Variants in ZNF362 observed in about 807,000 individuals in gnomAD.
ZNF362 encodes the protein zinc finger protein 362, also known as rotund homolog.
A neutral mutation model predicts 42.9 loss-of-function variants in ZNF362; 11 were observed. The ratio of observed to expected loss-of-function variants is 0.26; its 90% CI spans 0.16 to 0.42. The LOEUF (loss-of-function observed/expected upper bound fraction) is 0.42, where lower values mean the gene tolerates loss of function less well. ZNF362 is among the 20% of genes least tolerant of loss of function. The pLI is 1.00. For synonymous variants in ZNF362, 255 were observed against 257.3 expected (o/e 0.99, Z 0.09); for missense variants, 362 against 576.2 (o/e 0.63, Z 3.81).
the ZNF362 span, chr1:33,158,322 G>T: frequency 3.5e-5 from 57 of 1,613,908 alleles, no homozygotes; most frequent in African/African-American, 6.7e-4. Context: ...TTGGAGGTCG[G>T]GAAGTCTTCA....
chr1:33,247,057 C>G, the ZNF362 span, among the ~76,000 whole-genome samples: 1 of 152,224 alleles, frequency 6.6e-6, no homozygotes, highest in Non-Finnish European at 1.5e-5. Context: ...TTAATTGTTC[C>G]TGAGCCCTCT....
the ZNF362 span, among the ~76,000 whole-genome samples, chr1:33,189,659 A>ATATATATATATATG: frequency 1.7e-4 from 4 of 24,010 alleles, no homozygotes; most frequent in Non-Finnish European, 3.8e-4. Flanking sequence ...ATATATATAT[A>ATATATATATATATG]TATATATATA....
At chr1:33,158,837 C>CT in the ZNF362 span, among the ~76,000 whole-genome samples, 24 of 150,546 alleles carry the variant, frequency 1.6e-4, no homozygotes, top group Middle Eastern at 3.4e-3. Context: ...CAGTTTTTTT[C>CT]TTTTTTTTCT....
intron 1 of ZNF362, among the ~76,000 whole-genome samples, chr1:33,267,969 C>A (rs940569697): frequency 6.6e-6 from 1 of 152,208 alleles, no homozygotes; most frequent in African/African-American, 2.4e-5. Context: ...ACACTCCCAC[C>A]AATAATACAT....
chr1:33,192,722 G>A, the ZNF362 span, among the ~76,000 whole-genome samples: 181 of 152,200 alleles, frequency 1.2e-3, no homozygotes, highest in Non-Finnish European at 2.2e-3. Flanking sequence ...TGGTAGGAAA[G>A]GTCCAAGGGA....
At position 33,299,082 on chromosome 1, in the gene ZNF362, C is replaced by A; in HGVS notation, c.*36C>A. On this transcript the variant is annotated 3_prime_UTR_variant, in exon 9 of 9. Transcript: ENST00000539719. Reference sequence around the variant, plus strand: ...GGCGCCGCCCCACCCGGCCCACTGGCAGACACAGACCCAGGCAGCACCAGG... The same window carrying A: ...GGCGCCGCCCCACCCGGCCCACTGGAAGACACAGACCCAGGCAGCACCAGG... The A allele has an allele frequency of 6.5e-7, 1 of 1,545,202 alleles. No individual in the cohort carries two copies. The highest frequency in any genetic ancestry group is 8.9e-7 in the Non-Finnish European group (1 of 1,129,632).
rs756313755 is a variant in ZNF362, at chr1:33,295,028, C to T, written c.987+13C>T. On this transcript the variant is annotated intron_variant, in intron 7 of 8. Transcript: ENST00000539719. ...CTCCAACCTCCAGGTGAGTGCCTGC[C>T]TGCCTCCTGCCCACCAGGTGCTCTG... 4 of 1,614,054 alleles carry T rather than the reference C, an allele frequency of 2.5e-6. No individual in the cohort carries two copies. The Admixed American group carries it at 6.7e-5, about 27-fold the overall frequency.
the ZNF362 span, among the ~76,000 whole-genome samples, chr1:33,168,773 T>C: frequency 2.8e-4 from 43 of 152,264 alleles, no homozygotes; most frequent in Non-Finnish European, 4.4e-4. Context: ...CTATCCAGCC[T>C]GGGACACAGT....
the ZNF362 span, among the ~76,000 whole-genome samples, chr1:33,184,420 C>G: frequency 1.3e-5 from 2 of 152,152 alleles, no homozygotes; most frequent in Admixed American, 1.3e-4. Flanking sequence ...ATGGCTGGTC[C>G]ACTAGAGATC....
the ZNF362 span, among the ~76,000 whole-genome samples, chr1:33,223,173 C>T: frequency 1.3e-5 from 2 of 151,962 alleles, no homozygotes; most frequent in East Asian, 3.9e-4. Context: ...ATCACTTGAA[C>T]CCAGGAAGCA....
intron 1 of ZNF362, among the ~76,000 whole-genome samples, chr1:33,260,594 T>C (rs904782245): frequency 1.3e-5 from 2 of 152,210 alleles, no homozygotes; most frequent in African/African-American, 4.8e-5. Context: ...AACCCTCTCA[T>C]TATTCGCATT....
intron 2 of ZNF362, among the ~76,000 whole-genome samples, chr1:33,273,073 T>C (rs1168494839): frequency 6.6e-6 from 1 of 152,242 alleles, no homozygotes. Flanking sequence ...CACCCTCTTG[T>C]ACAGGTCCCA....
chr1:33,182,094 C>T, the ZNF362 span: 3 of 152,118 alleles, frequency 2.0e-5, no homozygotes, highest in East Asian at 1.9e-4. Flanking sequence ...TCCCCGCCCC[C>T]GTGGGCGGGA....
At chr1:33,172,420 G>A in the ZNF362 span, among the ~76,000 whole-genome samples, 1 of 152,084 alleles carries the variant, frequency 6.6e-6, no homozygotes, top group Admixed American at 6.5e-5. Flanking sequence ...CTGCAGCCAG[G>A]CATGTGACAG....
the ZNF362 span, among the ~76,000 whole-genome samples, chr1:33,157,544 T>C: frequency 6.6e-6 from 1 of 152,160 alleles, no homozygotes; most frequent in Admixed American, 6.5e-5. Flanking sequence ...TTTACTTTTG[T>C]CTACTTTCTA....
At chr1:33,212,144 C>T in the ZNF362 span, among the ~76,000 whole-genome samples, 4 of 152,134 alleles carry the variant, frequency 2.6e-5, no homozygotes, top group Admixed American at 6.5e-5. Flanking sequence ...TCTCTCTGTT[C>T]CTCCTGCTTC....
chr1:33,154,623 C>A, the ZNF362 span, among the ~76,000 whole-genome samples: 1 of 151,220 alleles, frequency 6.6e-6, no homozygotes, highest in African/African-American at 2.4e-5. Flanking sequence ...CATGGTGAAA[C>A]ACCGTCTCTA....
the ZNF362 span, among the ~76,000 whole-genome samples, chr1:33,191,242 G>C: frequency 6.6e-6 from 1 of 152,262 alleles, no homozygotes; most frequent in East Asian, 1.9e-4. Flanking sequence ...TAGTGGTGTA[G>C]TTTCTACCTC....
At chr1:33,216,877 A>T in the ZNF362 span, among the ~76,000 whole-genome samples, 4 of 151,802 alleles carry the variant, frequency 2.6e-5, no homozygotes, top group Admixed American at 2.0e-4. Context: ...GTGGGTTCAC[A>T]TCACTGAAGG....
Sources: allele counts gnomAD v4.1 joint callset (sites outside exome capture counted in the v4.1 genomes callset), GRCh38; gene constraint gnomAD v4.1.1; transcripts MANE v1.5; gene names NCBI Gene and HGNC (gene_info 2026-07-23, HGNC 2026-07-21).